The following AUTS2 variants were observed in gnomAD, a reference collection of about 807,000 sequenced individuals.
AUTS2 encodes the protein activator of transcription and developmental regulator AUTS2.
In AUTS2, 17 loss-of-function variants were observed where a neutral mutation model predicts 112.4. That is an observed-to-expected ratio of 0.15 (90% CI 0.10 to 0.23). AUTS2 has a LOEUF of 0.23. Ranked by LOEUF, AUTS2 falls within the 10% of genes least tolerant of loss-of-function variation. The probability of loss-of-function intolerance (pLI) is 1.00; values close to 1 mark genes in which losing one functional copy is unlikely to be tolerated. For missense variants in AUTS2, 1,510 were observed against 1,701.6 expected (o/e 0.89, Z 1.98); for synonymous variants, 751 against 702.7 (o/e 1.07, Z -1.09).
intron 4 of AUTS2, among the ~76,000 whole-genome samples, chr7:70,158,144 A>C (rs1807883348): frequency 6.6e-6 from 1 of 152,110 alleles, no homozygotes; most frequent in African/African-American, 2.4e-5. Flanking sequence ...AATGCTTAGA[A>C]ATTACAGGAA....
intron 2 of AUTS2, among the ~76,000 whole-genome samples, chr7:69,997,721 C>G (rs1799010508): frequency 6.6e-6 from 1 of 152,126 alleles, no homozygotes; most frequent in South Asian, 2.1e-4. Context: ...CACTCATTCC[C>G]CCTGGAGAAC....
chr7:70,581,472 C>T (rs570145278), intron 5 of AUTS2, among the ~76,000 whole-genome samples: 7 of 152,268 alleles, frequency 4.6e-5, no homozygotes, highest in African/African-American at 9.6e-5. Context: ...GTGGGAGGAT[C>T]GCTTAAGCCA....
At chr7:70,362,956 TC>T (rs1202739046) in intron 4 of AUTS2, among the ~76,000 whole-genome samples, 2 of 152,132 alleles carry the variant, frequency 1.3e-5, no homozygotes, top group African/African-American at 4.8e-5. Context: ...ATAAATTATC[TC>T]AATAACTCTG....
At chr7:69,764,855 T>A (rs1284318518) in intron 1 of AUTS2, among the ~76,000 whole-genome samples, 1 of 152,180 alleles carries the variant, frequency 6.6e-6, no homozygotes, top group Non-Finnish European at 1.5e-5. Context: ...GCAAACTTGC[T>A]CAGTAAAGAA....
chr7:70,493,272 A>G (rs1450985069), intron 5 of AUTS2, among the ~76,000 whole-genome samples: 1 of 152,310 alleles, frequency 6.6e-6, no homozygotes. Context: ...GGGGGAATAC[A>G]TGGTTGTCTT....
chr7:70,725,674 G>A (rs1786986291), intron 6 of AUTS2, among the ~76,000 whole-genome samples: 1 of 152,190 alleles, frequency 6.6e-6, no homozygotes, highest in African/African-American at 2.4e-5. Context: ...GTTGAGTTCA[G>A]CCAAGAGTTA....
chr7:70,103,085 C>T (rs1804586495), intron 2 of AUTS2, among the ~76,000 whole-genome samples: 2 of 152,102 alleles, frequency 1.3e-5, no homozygotes, highest in Non-Finnish European at 2.9e-5. Context: ...TTGCTAATTG[C>T]TTACTCTAAA....
intron 1 of AUTS2, among the ~76,000 whole-genome samples, chr7:69,787,044 T>C (rs975787260): frequency 6.6e-6 from 1 of 152,212 alleles, no homozygotes; most frequent in African/African-American, 2.4e-5. Context: ...CGTTGCCTAC[T>C]ATCAGAACTA....
chr7:70,703,413 T>A (rs1191820078), intron 6 of AUTS2, among the ~76,000 whole-genome samples: 1 of 147,774 alleles, frequency 6.8e-6, no homozygotes, highest in African/African-American at 2.5e-5. Context: ...AGAGGATCAC[T>A]TGGGCCCACA....
chr7:70,525,434 A>G (rs1240369066), intron 5 of AUTS2, among the ~76,000 whole-genome samples: 1 of 152,092 alleles, frequency 6.6e-6, no homozygotes, highest in Non-Finnish European at 1.5e-5. Flanking sequence ...GAATGAATGA[A>G]TGAATGCACT....
chr7:69,916,268 A>G (rs1352873469), intron 2 of AUTS2, among the ~76,000 whole-genome samples: 1 of 152,238 alleles, frequency 6.6e-6, no homozygotes, highest in Non-Finnish European at 1.5e-5. Flanking sequence ...CACTCCTCCA[A>G]GGATACTACT....
In AUTS2 at chr7:69,698,666, C is replaced by G. The variant is rs181272133; in HGVS notation, c.309+98704C>G. Among the ~76,000 whole-genome samples the G allele has an allele frequency of 5.5e-4, 84 of 152,262 alleles. 1 individual carries two copies. Among genetic ancestry groups the G allele is most frequent in the Admixed American group, 5.4e-3 (82 of 15,286 alleles). Reference sequence around the variant, plus strand: ...TTAACACAAGAAACATATGAGTGATCCCATTGGAGATAATGTGTTGCCGAG... The same window carrying G: ...TTAACACAAGAAACATATGAGTGATGCCATTGGAGATAATGTGTTGCCGAG... On this transcript the variant is annotated intron_variant, in intron 1 of 18. Transcript: ENST00000342771.
At chr7:70,619,275 C>CT (rs1381319541) in intron 5 of AUTS2, among the ~76,000 whole-genome samples, 1 of 152,208 alleles carries the variant, frequency 6.6e-6, no homozygotes, top group African/African-American at 2.4e-5. Flanking sequence ...CCCTGCCCCA[C>CT]TGAGCTTTGT....
intron 1 of AUTS2, among the ~76,000 whole-genome samples, chr7:69,770,441 G>A (rs1221843888): frequency 6.6e-6 from 1 of 152,164 alleles, no homozygotes; most frequent in Non-Finnish European, 1.5e-5. Flanking sequence ...CAGAGAGGCA[G>A]GTGGAGGCGC....
intron 5 of AUTS2, among the ~76,000 whole-genome samples, chr7:70,581,366 A>ACCTCCAACCT (rs1802434513): frequency 6.6e-6 from 1 of 152,192 alleles, no homozygotes; most frequent in African/African-American, 2.4e-5. Context: ...AGCCTGGGCA[A>ACCTCCAACCT]GAAGAGCGAA....
At chr7:70,322,602 C>G (rs1341753428) in intron 4 of AUTS2, among the ~76,000 whole-genome samples, 1 of 152,182 alleles carries the variant, frequency 6.6e-6, no homozygotes, top group Non-Finnish European at 1.5e-5. Context: ...ATTTTATGGC[C>G]TCTCTGCTGG....
chr7:70,763,112 G>A lies in AUTS2; in HGVS notation c.985G>A (p.Glu329Lys), dbSNP rs1464981864. 1.9e-6 allele frequency: 3 copies of A among 1,614,016 alleles called. 1 individual carries two copies. In the South Asian group the frequency reaches 3.3e-5, roughly 18 times the overall value. Residue 329 changes from glutamate to lysine, a missense_variant, in exon 7 of 19, where the codon GAG (glutamate) becomes AAG (lysine). This residue lies in a region of AUTS2 where 535 missense variants were observed against 594.3 expected (regional missense o/e 0.90). Coordinates refer to ENST00000342771, the MANE Select transcript of AUTS2 (RefSeq NM_015570.4). The part of the protein sequence containing the change: ...SPDPDLVQRT[E>K]APPQPPPLST... ...GGACCCTGACTTGGTGCAGCGCACA[G>A]AGGCCCCACCTCAACCCCCACCTCT...
At chr7:70,091,236 G>C (rs1803904962) in intron 2 of AUTS2, among the ~76,000 whole-genome samples, 1 of 152,038 alleles carries the variant, frequency 6.6e-6, no homozygotes, top group South Asian at 2.1e-4. Flanking sequence ...TCCCCTGGAT[G>C]CTCTTAAGAA....
rs949644485 is a variant in AUTS2, at chr7:70,355,029, G to GGTGT, written c.661-80716_661-80713dup. 3.7e-5 allele frequency among the ~76,000 whole-genome samples: 5 copies of GGTGT among 135,910 alleles called. No individual in the cohort carries two copies. The South Asian group carries it at 1.2e-3, about 33-fold the overall frequency. 89.2% of individuals were successfully genotyped at this position (135,910 alleles called of 152,430 possible). A position where few individuals can be genotyped will look rare whatever the true frequency, so the allele number is the denominator to read the frequency against. ...GTGTGTATGTATGTGTGTGTGTATG[G>GGTGT]GTGTGTGTGTATGTATGTGTGTGTG... On this transcript the variant is annotated intron_variant, in intron 4 of 18. Coordinates refer to ENST00000342771, the MANE Select transcript of AUTS2 (RefSeq NM_015570.4).
Sources: allele counts gnomAD v4.1 joint callset (sites outside exome capture counted in the v4.1 genomes callset), GRCh38; gene constraint gnomAD v4.1.1; regional missense constraint gnomAD v4.1.1; transcripts MANE v1.5; gene names NCBI Gene and HGNC (gene_info 2026-07-23, HGNC 2026-07-21).